Variants in OTUD7A observed in about 807,000 individuals in gnomAD.
OTUD7A encodes the protein OTU domain-containing protein 7A.
In OTUD7A, 12 loss-of-function variants were observed where a neutral mutation model predicts 65.7. The observed-to-expected ratio is 0.18, with a 90% CI of 0.12 to 0.30. OTUD7A has a LOEUF of 0.30. Ranked by LOEUF, OTUD7A falls within the 10% of genes least tolerant of loss-of-function variation. The pLI is 1.00. For missense variants in OTUD7A, 1,148 were observed against 1,304.8 expected (o/e 0.88, Z 1.85); for synonymous variants, 641 against 586.3 (o/e 1.09, Z -1.35).
chr15:31,603,649 G>A (rs1890148877), intron 3 of OTUD7A, among the ~76,000 whole-genome samples: 1 of 152,170 alleles, frequency 6.6e-6, no homozygotes, highest in Non-Finnish European at 1.5e-5. Context: ...TCATTAGAGT[G>A]AACAGGCAAC....
At chr15:31,486,726 GCT>G (rs1398059865) in intron 12 of OTUD7A, among the ~76,000 whole-genome samples, 2 of 152,214 alleles carry the variant, frequency 1.3e-5, no homozygotes, top group Non-Finnish European at 1.5e-5. Flanking sequence ...GAGGAATCGC[GCT>G]CTCAGTTCCC....
chr15:31,802,211 C>T (rs190151311), intron 1 of OTUD7A, among the ~76,000 whole-genome samples: 2 of 150,994 alleles, frequency 1.3e-5, no homozygotes, highest in East Asian at 3.9e-4. Flanking sequence ...CACAATAGGC[C>T]GTCTGCAGGC....
intron 1 of OTUD7A, among the ~76,000 whole-genome samples, chr15:31,733,072 G>C (rs1894090511): frequency 6.6e-6 from 1 of 152,162 alleles, no homozygotes; most frequent in African/African-American, 2.4e-5. Flanking sequence ...TGCCACAGTG[G>C]GCTCTGGAGC....
chr15:31,836,988 A>G (rs535074873), intron 1 of OTUD7A, among the ~76,000 whole-genome samples: 1 of 152,338 alleles, frequency 6.6e-6, no homozygotes, highest in Admixed American at 6.5e-5. Flanking sequence ...GTTCTAGCCC[A>G]TGCAATAAGG....
chr15:31,744,634 T>C (rs1164699905), intron 1 of OTUD7A, among the ~76,000 whole-genome samples: 3 of 152,150 alleles, frequency 2.0e-5, no homozygotes, highest in African/African-American at 7.2e-5. Flanking sequence ...TTTTCCCTTA[T>C]GATTAAAAAG....
intron 1 of OTUD7A, among the ~76,000 whole-genome samples, chr15:31,730,765 G>A (rs552063102): frequency 3.9e-5 from 6 of 152,228 alleles, no homozygotes; most frequent in Non-Finnish European, 5.9e-5. Context: ...ACATGGGGGC[G>A]GTGGCAGGAT....
Position 31,483,899 on chromosome 15 carries a change from T to C in OTUD7A, c.2197A>G (p.Ser733Gly). 1 of 1,013,038 alleles carries C rather than the reference T, an allele frequency of 9.9e-7. No individual in the cohort carries two copies. The allele number at this position is 1,013,038 out of a possible 1,614,324, so 62.8% of individuals were successfully genotyped here. The change falls in exon 13 of 13, where the codon AGC (serine) becomes GGC (glycine). Residue 733 changes from serine (S) to glycine (G), a missense_variant. Physicochemically the swap from Ser to Gly is moderately conservative, Grantham distance 56. This residue lies in a region of OTUD7A where 842 missense variants were observed against 769.5 expected (regional missense o/e 1.09). Transcript: ENST00000307050. ...QLVLKLKERPSPGPAAGRAAR... is the reference protein window; with the variant it reads ...QLVLKLKERPGPGPAAGRAAR... ...GCACGCCCTGCCGCGGGCCCGGGGCTCGGCCGCTCCTTGAGCTTGAGCACC... is the reference window on the plus strand; with the variant it reads ...GCACGCCCTGCCGCGGGCCCGGGGCCCGGCCGCTCCTTGAGCTTGAGCACC...
At chr15:31,830,721 G>A (rs1240415975) in intron 1 of OTUD7A, among the ~76,000 whole-genome samples, 7 of 152,188 alleles carry the variant, frequency 4.6e-5, no homozygotes, top group African/African-American at 1.4e-4. Flanking sequence ...AATCCAGTAT[G>A]AAGAGACACA....
intron 1 of OTUD7A, among the ~76,000 whole-genome samples, chr15:31,673,927 C>T (rs1335841336): frequency 6.6e-6 from 1 of 152,150 alleles, no homozygotes; most frequent in Non-Finnish European, 1.5e-5. Flanking sequence ...CTTAACATCA[C>T]CACAAGCTGG....
chr15:31,720,636 C>G (rs2455702), intron 1 of OTUD7A, among the ~76,000 whole-genome samples: 12 of 152,128 alleles, frequency 7.9e-5, no homozygotes, highest in African/African-American at 9.7e-5. Flanking sequence ...TCCTGACCTC[C>G]TGATCTGCCC....
chr15:31,825,204 C>G (rs1449930696), intron 1 of OTUD7A, among the ~76,000 whole-genome samples: 17 of 152,202 alleles, frequency 1.1e-4, no homozygotes, highest in Admixed American at 1.1e-3. Context: ...CTTTATTAGT[C>G]CATTTTCACA....
At position 31,484,275 on chromosome 15, in the gene OTUD7A, C is replaced by G; in HGVS notation, c.1821G>C (p.Pro607=). ...CCCGCGGCCCACCGCCCTTCTCCGC[C>G]GGCGACGCGCCCGCTGCCTTGTCTG... ...SPTDKAAGAS[P]AEKGGGPRGD... Residue 607 remains proline, a synonymous_variant, in exon 13 of 13, where the codon CCG becomes CCC. Coordinates refer to ENST00000307050, the MANE Select transcript of OTUD7A (RefSeq NM_001382637.1). The surrounding 1 kb of genome is among the most constrained non-coding windows in gnomAD (Gnocchi z 4.5). 3.1e-6 allele frequency: 5 copies of G among 1,592,976 alleles called. No individual in the cohort carries two copies. Among genetic ancestry groups the G allele is most frequent in the Non-Finnish European group, 4.3e-6 (5 of 1,173,582 alleles).
chr15:31,554,992 C>A (rs1888443824), intron 5 of OTUD7A, among the ~76,000 whole-genome samples: 1 of 152,128 alleles, frequency 6.6e-6, no homozygotes. Flanking sequence ...TTGGGGAAGA[C>A]CAGTCTCCCA....
intron 3 of OTUD7A, 60 bp downstream of exon 3, chr15:31,655,036 C>A: frequency 6.4e-7 from 1 of 1,566,224 alleles, no homozygotes. Flanking sequence ...TGGAAATCTT[C>A]TTATTTGGAA....
At chr15:31,510,038 G>C (rs2041658776) in intron 8 of OTUD7A, among the ~76,000 whole-genome samples, 1 of 147,432 alleles carries the variant, frequency 6.8e-6, no homozygotes, top group Non-Finnish European at 1.5e-5. Flanking sequence ...GCTGGGCAAG[G>C]GACGGGCCCC....
At chr15:31,516,640 G>C (rs1220663440) in intron 8 of OTUD7A, among the ~76,000 whole-genome samples, 1 of 152,166 alleles carries the variant, frequency 6.6e-6, no homozygotes, top group Non-Finnish European at 1.5e-5. Flanking sequence ...CAAGCTGGTG[G>C]CCAGAGATAA....
Position 31,553,780 on chromosome 15 carries a change from C to A in OTUD7A, c.550+5189G>T, listed in dbSNP as rs918066719. On this transcript the variant is annotated intron_variant, in intron 5 of 12. Coordinates refer to ENST00000307050, the MANE Select transcript of OTUD7A (RefSeq NM_001382637.1). ...CCCCTCACCTGCACTACCACCCCCA[C>A]GACCCTGCCAGCCGTCTCTCTCTGC... is the stretch of plus-strand genomic sequence containing the variant. 3.3e-5 allele frequency among the ~76,000 whole-genome samples: 5 copies of A among 152,078 alleles called. No individual in the cohort carries two copies. The East Asian group carries it at 9.6e-4, about 29-fold the overall frequency.
intron 1 of OTUD7A, among the ~76,000 whole-genome samples, chr15:31,786,115 CCTGGGGACT>C (rs1895667026): frequency 6.6e-6 from 1 of 152,102 alleles, no homozygotes; most frequent in South Asian, 2.1e-4. Context: ...CCGTGCGCCA[CCTGGGGACT>C]CTGCAGAGTC....
intron 1 of OTUD7A, among the ~76,000 whole-genome samples, chr15:31,740,645 T>C (rs1894318504): frequency 6.6e-6 from 1 of 152,038 alleles, no homozygotes; most frequent in Admixed American, 6.5e-5. Flanking sequence ...AAACAGAAGA[T>C]GTGAAACAAA....
Sources: allele counts gnomAD v4.1 joint callset (sites outside exome capture counted in the v4.1 genomes callset), GRCh38; gene constraint gnomAD v4.1.1; regional missense constraint gnomAD v4.1.1; non-coding constraint Gnocchi (gnomAD v3.1); transcripts MANE v1.5; gene names NCBI Gene and HGNC (gene_info 2026-07-23, HGNC 2026-07-21).